The following UVRAG variants were observed in gnomAD, a reference collection of about 807,000 sequenced individuals.
The protein encoded by UVRAG is UV radiation resistance associated.
In UVRAG, 19 loss-of-function variants were observed where a neutral mutation model predicts 78.0. The ratio of observed to expected loss-of-function variants is 0.24; its 90% confidence interval spans 0.17 to 0.36. The LOEUF (loss-of-function observed/expected upper bound fraction) is 0.36. UVRAG is among the 10% of genes least tolerant of loss of function. The probability of loss-of-function intolerance (pLI) is 1.00; values close to 1 mark genes in which losing one functional copy is unlikely to be tolerated. For missense variants in UVRAG, 740 were observed against 853.8 expected, an observed-to-expected ratio of 0.87 and a Z score of 1.66; for synonymous variants, 323 against 324.6, an observed-to-expected ratio of 1.00 and a Z score of 0.05.
At chr11:75,830,516 C>T (rs911833286) in intron 1 of UVRAG, among the ~76,000 whole-genome samples, 1 of 152,020 alleles carries the variant, frequency 6.6e-6, no homozygotes, top group Non-Finnish European at 1.5e-5. Context: ...TGTGATCCAC[C>T]CGCCTCCGCC....
chr11:76,078,169 C>T (rs1038706348), intron 13 of UVRAG, among the ~76,000 whole-genome samples: 2 of 152,024 alleles, frequency 1.3e-5, no homozygotes, highest in African/African-American at 2.4e-5. Context: ...TCAAAGTGAC[C>T]GGCATAGCTT....
chr11:76,081,500 G>A (rs919602136), intron 13 of UVRAG, among the ~76,000 whole-genome samples: 2 of 151,994 alleles, frequency 1.3e-5, no homozygotes, highest in South Asian at 2.1e-4. Context: ...GTGACCGACC[G>A]CACCTGGCCA....
At chr11:76,101,760 G>A (rs1951883571) in intron 13 of UVRAG, among the ~76,000 whole-genome samples, 1 of 152,094 alleles carries the variant, frequency 6.6e-6, no homozygotes, top group South Asian at 2.1e-4. Flanking sequence ...TTTTATGTAT[G>A]GCATAAGGAA....
At chr11:75,886,992 GTC>G (rs1947092615) in intron 4 of UVRAG, among the ~76,000 whole-genome samples, 1 of 149,666 alleles carries the variant, frequency 6.7e-6, no homozygotes. Flanking sequence ...TTGAGACGGA[GTC>G]TCGCTCTGTC....
chr11:75,874,803 A>G (rs1454242521), intron 3 of UVRAG, among the ~76,000 whole-genome samples: 1 of 152,222 alleles, frequency 6.6e-6, no homozygotes, highest in Non-Finnish European at 1.5e-5. Flanking sequence ...GAAGATTCTG[A>G]GACACAGGGA....
chr11:75,843,363 A>C (rs538572338), intron 1 of UVRAG, among the ~76,000 whole-genome samples: 1 of 152,352 alleles, frequency 6.6e-6, no homozygotes, highest in African/African-American at 2.4e-5. Context: ...CTAAGTTAGA[A>C]TGTTACTCTT....
intron 4 of UVRAG, among the ~76,000 whole-genome samples, chr11:75,884,763 G>A (rs917754862): frequency 6.6e-6 from 1 of 152,042 alleles, no homozygotes; most frequent in South Asian, 2.1e-4. Flanking sequence ...CTGTCTTAAT[G>A]CCAATACCAA....
intron 6 of UVRAG, among the ~76,000 whole-genome samples, chr11:75,921,504 T>C (rs1328968051): frequency 6.6e-6 from 1 of 152,186 alleles, no homozygotes; most frequent in African/African-American, 2.4e-5. Context: ...TCTTGACTTA[T>C]GATACCTTAT....
At chr11:76,044,689 G>A (rs1950712664) in intron 12 of UVRAG, among the ~76,000 whole-genome samples, 1 of 152,140 alleles carries the variant, frequency 6.6e-6, no homozygotes, top group South Asian at 2.1e-4. Flanking sequence ...CAGGAGAATT[G>A]CTTGAACCTG....
intron 5 of UVRAG, chr11:75,911,409 C>A: frequency 6.3e-6 from 1 of 159,836 alleles, no homozygotes; most frequent in South Asian, 1.7e-4. Context: ...GAAGCTTTCT[C>A]AGGCACCTCT....
At chr11:75,921,308 A>G (rs756961249) in intron 6 of UVRAG, among the ~76,000 whole-genome samples, 4 of 152,190 alleles carry the variant, frequency 2.6e-5, no homozygotes, top group Non-Finnish European at 4.4e-5. Flanking sequence ...GCCTGGTGCA[A>G]GTACTTAGTT....
intron 12 of UVRAG, among the ~76,000 whole-genome samples, chr11:76,063,571 A>G (rs1310813341): frequency 6.6e-6 from 1 of 152,236 alleles, no homozygotes; most frequent in Admixed American, 6.5e-5. Flanking sequence ...AAGACAGTAG[A>G]GTCGGTGAAT....
intron 13 of UVRAG, among the ~76,000 whole-genome samples, chr11:76,071,471 T>G (rs555584284): frequency 6.6e-6 from 1 of 152,268 alleles, no homozygotes; most frequent in Non-Finnish European, 1.5e-5. Context: ...CAGCAGAGTT[T>G]CCTAAATTAT....
intron 6 of UVRAG, among the ~76,000 whole-genome samples, chr11:75,921,186 G>A (rs1217155305): frequency 1.3e-5 from 2 of 152,106 alleles, no homozygotes; most frequent in Non-Finnish European, 2.9e-5. Flanking sequence ...CAAAATAAAT[G>A]GCATTACTCC....
intron 3 of UVRAG, among the ~76,000 whole-genome samples, chr11:75,878,860 A>G (rs117687818): frequency 0.07 from 9,586 of 136,030 alleles, 465 homozygotes; most frequent in African/African-American, 0.14. Flanking sequence ...GGAAAGAGAG[A>G]GAGAGAGAGA....
At chr11:76,049,553 A>G (rs554343265) in intron 12 of UVRAG, among the ~76,000 whole-genome samples, 27 of 152,330 alleles carry the variant, frequency 1.8e-4, no homozygotes, top group Middle Eastern at 3.4e-3. Flanking sequence ...TACAAATAAT[A>G]CAGCTTTACA....
chr11:75,838,475 C>A (rs1401077485), intron 1 of UVRAG, among the ~76,000 whole-genome samples: 1 of 151,868 alleles, frequency 6.6e-6, no homozygotes, highest in East Asian at 1.9e-4. Context: ...GTAGGTGGGT[C>A]TACAGGCATG....
intron 6 of UVRAG, among the ~76,000 whole-genome samples, chr11:75,948,760 C>T (rs906140655): frequency 2.0e-5 from 3 of 151,986 alleles, no homozygotes; most frequent in Non-Finnish European, 4.4e-5. Flanking sequence ...TGTAGGCAAC[C>T]ACACACTAGC....
intron 13 of UVRAG, among the ~76,000 whole-genome samples, chr11:76,115,183 A>G (rs191301085): frequency 5.4e-4 from 83 of 152,302 alleles, no homozygotes; most frequent in African/African-American, 1.8e-3. Flanking sequence ...ACCATTAGCA[A>G]CTTATCCAGA....
Sources: gnomAD v4.1 joint callset for allele counts (sites outside exome capture counted in the v4.1 genomes callset) on GRCh38, gnomAD v4.1.1 for gene constraint, MANE v1.5 for transcripts, NCBI Gene and HGNC (gene_info 2026-07-23, HGNC 2026-07-21) for gene names.